BPIFB6: variants seen among roughly 807,000 people sequenced by gnomAD.
BPIFB6 encodes BPI fold containing family B member 6.
Under a neutral mutation model 54.7 loss-of-function variants are expected in BPIFB6, and 47 were observed. The observed-to-expected ratio is 0.86, with a 90% CI of 0.68 to 1.10. The LOEUF (loss-of-function observed/expected upper bound fraction) is 1.10. BPIFB6 is among the 50% of genes least tolerant of loss of function. The pLI, the probability that BPIFB6 is intolerant of heterozygous loss-of-function variation, is 0.00. For missense variants in BPIFB6, 603 were observed against 564.1 expected (o/e 1.07, Z -0.70); for synonymous variants, 255 against 225.9 (o/e 1.13, Z -1.16).
chr20:33,036,209 A>G (rs1029401458), intron 6 of BPIFB6, among the ~76,000 whole-genome samples: 1 of 152,292 alleles, frequency 6.6e-6, no homozygotes, highest in Middle Eastern at 3.4e-3. Flanking sequence ...GCAAGGTCCA[A>G]GCAGTGATGG....
rs574222874 is a variant in BPIFB6 at position 33,033,317 on chromosome 20, T to C, written c.197+234T>C. On this transcript the variant is annotated intron_variant, in intron 2 of 14. Coordinates refer to ENST00000349552, the MANE Select transcript of BPIFB6 (RefSeq NM_174897.2). ...CTGCTTTGTAGTGAGCAGGGTCATTTTGAGGAGGAAATGAGGTTGGAAAGT... is the reference window on the plus strand; with the variant it reads ...CTGCTTTGTAGTGAGCAGGGTCATTCTGAGGAGGAAATGAGGTTGGAAAGT... The C allele has an allele frequency of 1.9e-5, 12 of 624,530 alleles. No homozygotes were observed. In the East Asian group the frequency reaches 3.0e-4, roughly 16 times the overall value. The allele number at this position is 624,530 out of a possible 1,614,324, so 38.7% of individuals were successfully genotyped here. A position where few individuals can be genotyped will look rare whatever the true frequency, so the allele number is the denominator to read the frequency against.
intron 14 of BPIFB6, 30 bp downstream of exon 14, chr20:33,043,397 CA>C: frequency 6.3e-7 from 1 of 1,588,140 alleles, no homozygotes; most frequent in Non-Finnish European, 8.6e-7. Context: ...GAGGTCATGT[CA>C]ATCAACACTG....
intron 8 of BPIFB6, among the ~76,000 whole-genome samples, chr20:33,038,001 C>T (rs1000071650): frequency 7.2e-5 from 11 of 152,146 alleles, no homozygotes; most frequent in African/African-American, 2.7e-4. Context: ...CTTGGTCATC[C>T]ATCCACCTTC....
chr20:33,033,045 G>A lies in BPIFB6; in HGVS notation c.159G>A (p.Lys53=), dbSNP rs1295697990. 6.2e-7 allele frequency: 1 copy of A among 1,614,114 alleles called. No homozygotes were observed. Among genetic ancestry groups the A allele is most frequent in the Non-Finnish European group, 8.5e-7 (1 of 1,179,976 alleles). Residue 53 remains lysine, a synonymous_variant, in exon 2 of 15, where the codon AAG becomes AAA. Coordinates refer to ENST00000349552, the MANE Select transcript of BPIFB6 (RefSeq NM_174897.2). ...ILEKMAAEAG[K]KQPGMKPIKG... ...AGAAGATGGCAGCCGAGGCAGGCAA[G>A]AAACAGCCAGGGATGAAACCTATCA...
At chr20:33,038,181 A>G (rs1979425538) in intron 8 of BPIFB6, among the ~76,000 whole-genome samples, 2 of 152,098 alleles carry the variant, frequency 1.3e-5, no homozygotes, top group Admixed American at 1.3e-4. Flanking sequence ...CCTGCCATGT[A>G]CCACCCAAAC....
At chr20:33,038,597 T>A (rs1371015261) in intron 8 of BPIFB6, among the ~76,000 whole-genome samples, 2 of 152,168 alleles carry the variant, frequency 1.3e-5, no homozygotes, top group Non-Finnish European at 2.9e-5. Context: ...CATCCATCTG[T>A]CTATTCATCT....
At chr20:33,039,831 CA>C (rs1205673924) in intron 10 of BPIFB6, among the ~76,000 whole-genome samples, 5 of 152,152 alleles carry the variant, frequency 3.3e-5, no homozygotes, top group Non-Finnish European at 4.4e-5. Flanking sequence ...GGGGAAATCA[CA>C]AAGGGCTTCC....
chr20:33,033,961 T>G (rs1280145817), intron 2 of BPIFB6, among the ~76,000 whole-genome samples: 1 of 152,190 alleles, frequency 6.6e-6, no homozygotes, highest in Non-Finnish European at 1.5e-5. Context: ...GAGTCAGCCA[T>G]GTGTCCCACC....
At chr20:33,043,884 G>A in intron 14 of BPIFB6, 131 bp from the exon 15 acceptor site, 1 of 1,157,224 alleles carries the variant, frequency 8.6e-7, no homozygotes, top group South Asian at 1.3e-5. Context: ...GGGTCACAAG[G>A]CAAGTCTACT....
chr20:33,042,178 C>T (rs1440626988), intron 12 of BPIFB6, among the ~76,000 whole-genome samples, 163 bp downstream of exon 12: 2 of 152,208 alleles, frequency 1.3e-5, no homozygotes, highest in African/African-American at 4.8e-5. Flanking sequence ...TAGGAAAGTC[C>T]CTTAGCCTCT....
In BPIFB6 at chr20:33,033,303, T is replaced by C. The variant is rs972343725; in HGVS notation, c.197+220T>C. ...ACTGGGGACAATTTCTGCTTTGTAG[T>C]GAGCAGGGTCATTTTGAGGAGGAAA... On this transcript the variant is annotated intron_variant, in intron 2 of 14. Coordinates refer to ENST00000349552, the MANE Select transcript of BPIFB6 (RefSeq NM_174897.2). 3 of 647,884 alleles carry C rather than the reference T, an allele frequency of 4.6e-6. No individual in the cohort carries two copies. In the African/African-American group the frequency reaches 5.4e-5, roughly 12 times the overall value. 40.1% of individuals were successfully genotyped at this position (647,884 alleles called of 1,614,324 possible).
At chr20:33,037,437 A>T in intron 7 of BPIFB6, 125 bp from the exon 8 acceptor site, 1 of 936,696 alleles carries the variant, frequency 1.1e-6, no homozygotes, top group Non-Finnish European at 1.6e-6. Context: ...TGGTTCTCTT[A>T]ATAAGATTTA....
intron 9 of BPIFB6, 118 bp from the exon 10 acceptor site, chr20:33,039,229 G>A: frequency 9.2e-7 from 1 of 1,088,436 alleles, no homozygotes; most frequent in Non-Finnish European, 1.3e-6. Flanking sequence ...CCTGGCCTTT[G>A]CATGTTGTAC....
intron 11 of BPIFB6, among the ~76,000 whole-genome samples, chr20:33,040,651 G>A (rs1979542279): frequency 6.6e-6 from 1 of 152,142 alleles, no homozygotes; most frequent in African/African-American, 2.4e-5. Flanking sequence ...GAGAGTCAGG[G>A]TCCAGCTCAA....
rs188955626 is a variant in BPIFB6, at chr20:33,038,838, T to A, written c.847-71T>A. 6.4e-6 allele frequency: 9 copies of A among 1,407,460 alleles called. No homozygotes were observed. In the Admixed American group the frequency reaches 1.3e-4, roughly 21 times the overall value. 87.2% of individuals were successfully genotyped at this position (1,407,460 alleles called of 1,614,324 possible). ...GCCTCAAAGGGTACACCTTGTTAAG[T>A]CAGTGGAGATGTTTGTTAGGATGGG... On this transcript the variant is annotated intron_variant, in intron 8 of 14. Coordinates refer to ENST00000349552, the MANE Select transcript of BPIFB6 (RefSeq NM_174897.2).
intron 12 of BPIFB6, among the ~76,000 whole-genome samples, 181 bp downstream of exon 12, chr20:33,042,196 CCT>C (rs1003828409): frequency 5.3e-5 from 8 of 152,154 alleles, no homozygotes; most frequent in Admixed American, 2.6e-4. Flanking sequence ...TCTCTGAATC[CCT>C]GTTTCCTTTT....
intron 6 of BPIFB6, 30 bp from the exon 7 acceptor site, chr20:33,036,415 C>T: frequency 6.3e-7 from 1 of 1,584,940 alleles, no homozygotes; most frequent in Non-Finnish European, 8.6e-7. Context: ...GGGTTGGTGC[C>T]TCTTTGAGTG....
intron 9 of BPIFB6, 88 bp downstream of exon 9, chr20:33,039,050 T>A: frequency 7.1e-7 from 1 of 1,404,182 alleles, no homozygotes; most frequent in Non-Finnish European, 1.0e-6. Context: ...GGGAGACAGC[T>A]TTTCATGCCA....
rs1046642159 is a variant in BPIFB6 at position 33,036,499 on chromosome 20, C to T, written c.632C>T (p.Pro211Leu). The T allele has an allele frequency of 1.9e-6, 3 of 1,614,054 alleles. No individual in the cohort carries two copies. In the African/African-American group the frequency reaches 4.0e-5, roughly 22 times the overall value. Residue 211 changes from proline (P) to leucine (L), a missense_variant, in exon 7 of 15, where the codon CCA (proline) becomes CTA (leucine). Transcript: ENST00000349552. ...GTVKYVLMSA[P>L]ATTASYIQLD... The stretch of plus-strand genomic sequence containing the variant: ...GTCAAATATGTTCTGATGTCCGCAC[C>T]AGCCACCACAGCCAGCTACATCCAA...
Sources: gnomAD v4.1 joint callset for allele counts (sites outside exome capture counted in the v4.1 genomes callset) on GRCh38, gnomAD v4.1.1 for gene constraint, MANE v1.5 for transcripts, NCBI Gene and HGNC (gene_info 2026-07-23, HGNC 2026-07-21) for gene names.